The following RALYL variants were observed in gnomAD, a reference collection of about 807,000 sequenced individuals.
RALYL encodes RALY RNA binding protein like.
A neutral mutation model predicts 35.1 loss-of-function variants in RALYL; 29 were observed. The ratio of observed to expected loss-of-function variants is 0.83; its 90% confidence interval spans 0.61 to 1.13. The LOEUF is 1.13. Ranked by LOEUF, RALYL falls within the 50% of genes most tolerant of loss-of-function variation. The pLI, the probability that RALYL is intolerant of heterozygous loss-of-function variation, is 0.00. For synonymous variants in RALYL, 120 were observed against 127.6 expected, an observed-to-expected ratio of 0.94 and a Z score of 0.40; for missense variants, 359 against 360.4, an observed-to-expected ratio of 1.00 and a Z score of 0.03.
intron 1 of RALYL, among the ~76,000 whole-genome samples, chr8:84,470,615 C>A (rs1408774015): frequency 2.0e-5 from 3 of 152,100 alleles, no homozygotes; most frequent in African/African-American, 7.2e-5. Context: ...TCCTGCCAGC[C>A]TATTGTGAGG....
chr8:84,558,703 G>C (rs529368942), intron 2 of RALYL, among the ~76,000 whole-genome samples: 2 of 151,988 alleles, frequency 1.3e-5, no homozygotes, highest in Admixed American at 6.6e-5. Context: ...ATTTCTGGTC[G>C]CTGGAGAGGA....
rs547948908 is a variant in RALYL at position 84,712,757 on chromosome 8, A to T, written c.257-61822A>T. Among the ~76,000 whole-genome samples, 3 of 152,312 alleles carry T rather than the reference A, an allele frequency of 2.0e-5. No homozygotes were observed. In the East Asian group the frequency reaches 5.8e-4, roughly 29 times the overall value. ...TATCACTTCAAAAAATGTTACAGTTAAAAAATAATGTTAATTTGTATCTGT... is the reference window on the plus strand; with the variant it reads ...TATCACTTCAAAAAATGTTACAGTTTAAAAATAATGTTAATTTGTATCTGT... On this transcript the variant is annotated intron_variant, in intron 2 of 8. Coordinates refer to ENST00000521268, the MANE Select transcript of RALYL (RefSeq NM_173848.7).
At chr8:84,505,316 T>A (rs1310476245) in intron 1 of RALYL, among the ~76,000 whole-genome samples, 2 of 152,314 alleles carry the variant, frequency 1.3e-5, no homozygotes, top group East Asian at 3.9e-4. Flanking sequence ...CATGCTCCTT[T>A]ATGTTTATAT....
intron 2 of RALYL, among the ~76,000 whole-genome samples, chr8:84,704,847 T>C (rs1027963733): frequency 2.0e-5 from 3 of 152,212 alleles, no homozygotes; most frequent in African/African-American, 7.2e-5. Flanking sequence ...AATGCTTCTA[T>C]GAAGAGTTAT....
intron 1 of RALYL, among the ~76,000 whole-genome samples, chr8:84,478,171 A>G (rs191173069): frequency 6.6e-6 from 1 of 152,234 alleles, no homozygotes; most frequent in Admixed American, 6.5e-5. Flanking sequence ...TAAAAACCCA[A>G]CAATTTACTT....
chr8:84,871,917 C>T, intron 6 of RALYL, among the ~76,000 whole-genome samples: 1 of 151,586 alleles, frequency 6.6e-6, no homozygotes, highest in Non-Finnish European at 1.5e-5. Flanking sequence ...TTTAAGCAAA[C>T]ATAAATTGCA....
intron 1 of RALYL, chr8:84,184,990 C>G: frequency 1.2e-6 from 2 of 1,613,956 alleles, no homozygotes; most frequent in Non-Finnish European, 1.7e-6. Flanking sequence ...CCTGCTCCTC[C>G]TCTTCGCAAT....
intron 2 of RALYL, among the ~76,000 whole-genome samples, chr8:84,578,549 G>A (rs1178590499): frequency 6.6e-6 from 1 of 152,216 alleles, no homozygotes; most frequent in Non-Finnish European, 1.5e-5. Context: ...GAGCTTTATT[G>A]CATGACAGAA....
At chr8:84,636,613 C>A (rs949653180) in intron 2 of RALYL, among the ~76,000 whole-genome samples, 1 of 151,776 alleles carries the variant, frequency 6.6e-6, no homozygotes, top group Non-Finnish European at 1.5e-5. Context: ...ACACTTTCTC[C>A]TTTCATCATC....
At chr8:84,490,120 T>TGTGTGTG (rs67284296) in intron 1 of RALYL, among the ~76,000 whole-genome samples, 2 of 139,292 alleles carry the variant, frequency 1.4e-5, no homozygotes, top group South Asian at 2.3e-4. Flanking sequence ...TGTGTGTGTG[T>TGTGTGTG]TGAGTGGGGA....
chr8:84,333,474 T>A (rs1021801071), intron 1 of RALYL, among the ~76,000 whole-genome samples: 1 of 152,040 alleles, frequency 6.6e-6, no homozygotes, highest in African/African-American at 2.4e-5. Flanking sequence ...AATGGAAAAA[T>A]ATTAGATAAA....
intron 1 of RALYL, among the ~76,000 whole-genome samples, chr8:84,468,801 C>G (rs1003521775): frequency 1.3e-5 from 2 of 152,142 alleles, no homozygotes; most frequent in Non-Finnish European, 2.9e-5. Flanking sequence ...TAGATTTGGT[C>G]TTTTCACATA....
intron 2 of RALYL, among the ~76,000 whole-genome samples, chr8:84,752,950 G>A (rs1810433683): frequency 6.6e-6 from 1 of 152,160 alleles, no homozygotes; most frequent in Admixed American, 6.5e-5. Flanking sequence ...GCTTAGTGGA[G>A]CTGTGAGATG....
intron 1 of RALYL, among the ~76,000 whole-genome samples, chr8:84,230,612 G>A (rs1399551645): frequency 1.3e-5 from 2 of 152,054 alleles, no homozygotes; most frequent in East Asian, 1.9e-4. Flanking sequence ...TGAAGAAATG[G>A]AGCTTTAAGT....
intron 2 of RALYL, among the ~76,000 whole-genome samples, chr8:84,760,934 T>G (rs1427780392): frequency 1.3e-5 from 2 of 152,114 alleles, no homozygotes; most frequent in Non-Finnish European, 2.9e-5. Flanking sequence ...CTGCATGATA[T>G]CTACATTTGC....
At chr8:84,460,854 T>A (rs1333098114) in intron 1 of RALYL, among the ~76,000 whole-genome samples, 1 of 151,426 alleles carries the variant, frequency 6.6e-6, no homozygotes, top group Non-Finnish European at 1.5e-5. Flanking sequence ...CTTTTGTAAA[T>A]CTTAGTAGCT....
chr8:84,390,470 C>T (rs1860386649), intron 1 of RALYL, among the ~76,000 whole-genome samples: 1 of 152,048 alleles, frequency 6.6e-6, no homozygotes, highest in Non-Finnish European at 1.5e-5. Context: ...TCCATCTGGT[C>T]CTGGACTCTT....
intron 1 of RALYL, among the ~76,000 whole-genome samples, chr8:84,500,462 T>C (rs1214166362): frequency 6.6e-6 from 1 of 152,196 alleles, no homozygotes; most frequent in Non-Finnish European, 1.5e-5. Flanking sequence ...ATTTATTTTT[T>C]GTTATCAATG....
rs1275874846 is a variant in RALYL at position 84,389,593 on chromosome 8, C to T, written c.-23-139706C>T. Among the ~76,000 whole-genome samples, 1,322 of 147,118 alleles carry T rather than the reference C, an allele frequency of 9.0e-3. 18 individuals carry two copies. The highest frequency in any genetic ancestry group is 0.033 in the African/African-American group (1,225 of 36,942). On this transcript the variant is annotated intron_variant, in intron 1 of 8. Coordinates refer to ENST00000521268, the MANE Select transcript of RALYL (RefSeq NM_173848.7). ...AAGTTGGATTCCTAGGTATTTTATT[C>T]TCTTTGAAGCAATTGTGAATGGGAG... is the stretch of plus-strand genomic sequence containing the variant.
Sources: allele counts gnomAD v4.1 joint callset (sites outside exome capture counted in the v4.1 genomes callset), GRCh38; gene constraint gnomAD v4.1.1; transcripts MANE v1.5; gene names NCBI Gene and HGNC (gene_info 2026-07-23, HGNC 2026-07-21).